SPAG16: variants seen among roughly 807,000 people sequenced by gnomAD.
SPAG16 encodes sperm-associated antigen 16 protein.
In SPAG16, 86 loss-of-function variants were observed where a neutral mutation model predicts 80.4. The ratio of observed to expected loss-of-function variants is 1.07; its 90% confidence interval spans 0.90 to 1.28. The LOEUF (loss-of-function observed/expected upper bound fraction) is 1.28, where lower values mean the gene tolerates loss of function less well. SPAG16 is among the 50% of genes most tolerant of loss of function. SPAG16 has a pLI of 0.00. For missense variants in SPAG16, 870 were observed against 765.3 expected (o/e 1.14, Z -1.61); for synonymous variants, 294 against 265.9 (o/e 1.11, Z -1.03).
intron 10 of SPAG16, among the ~76,000 whole-genome samples, chr2:213,838,227 A>G (rs1575308348): frequency 6.6e-6 from 1 of 152,144 alleles, no homozygotes; most frequent in Middle Eastern, 3.4e-3. Flanking sequence ...GCTGCAGTGC[A>G]GTGGTGTAAT....
At chr2:213,950,716 T>C (rs2079720725) in intron 12 of SPAG16, among the ~76,000 whole-genome samples, 1 of 145,348 alleles carries the variant, frequency 6.9e-6, no homozygotes, top group African/African-American at 2.5e-5. Flanking sequence ...TTTTTTTTTT[T>C]TTTTTTTCCC....
intron 13 of SPAG16, among the ~76,000 whole-genome samples, chr2:214,036,059 T>A (rs1444560260): frequency 6.6e-6 from 1 of 152,266 alleles, no homozygotes; most frequent in African/African-American, 2.4e-5. Context: ...TTAAATTCCA[T>A]CATTTATTTT....
intron 10 of SPAG16, among the ~76,000 whole-genome samples, chr2:213,835,813 T>G (rs2074040090): frequency 6.6e-6 from 1 of 152,166 alleles, no homozygotes; most frequent in South Asian, 2.1e-4. Flanking sequence ...TTTCATATTT[T>G]CCAATTTGTA....
chr2:213,376,607 T>C (rs2066894567), intron 9 of SPAG16, among the ~76,000 whole-genome samples: 1 of 152,106 alleles, frequency 6.6e-6, no homozygotes. Flanking sequence ...TCTATTTTTT[T>C]AATAATTCAC....
At chr2:213,348,708 C>G (rs996979450) in intron 6 of SPAG16, among the ~76,000 whole-genome samples, 6 of 152,220 alleles carry the variant, frequency 3.9e-5, no homozygotes, top group Admixed American at 2.6e-4. Context: ...TATTGGCCCC[C>G]ACTCTCTTCT....
At chr2:213,518,302 T>C (rs1356829152) in intron 10 of SPAG16, among the ~76,000 whole-genome samples, 2 of 152,220 alleles carry the variant, frequency 1.3e-5, no homozygotes, top group African/African-American at 2.4e-5. Context: ...GTTCTCACTC[T>C]GTTACCCATG....
chr2:213,834,601 T>C (rs1485542709), intron 10 of SPAG16, among the ~76,000 whole-genome samples: 1 of 152,080 alleles, frequency 6.6e-6, no homozygotes, highest in Admixed American at 6.6e-5. Context: ...TATGGCTTGC[T>C]TTGTGGGAGG....
At chr2:213,960,554 T>C (rs2044361507) in intron 12 of SPAG16, among the ~76,000 whole-genome samples, 1 of 152,150 alleles carries the variant, frequency 6.6e-6, no homozygotes. Flanking sequence ...TAAAAATTAT[T>C]TTGGTTTATT....
intron 10 of SPAG16, among the ~76,000 whole-genome samples, chr2:213,617,115 G>A (rs1004449503): frequency 6.6e-6 from 1 of 152,144 alleles, no homozygotes; most frequent in Admixed American, 6.5e-5. Context: ...AGGGAAAGAA[G>A]GGAAATTAAT....
At chr2:213,652,574 AT>A (rs2063062164) in intron 10 of SPAG16, among the ~76,000 whole-genome samples, 1 of 152,024 alleles carries the variant, frequency 6.6e-6, no homozygotes. Context: ...TCTATATTGT[AT>A]TATTTTATCT....
chr2:213,777,654 G>A (rs903813287), intron 10 of SPAG16, among the ~76,000 whole-genome samples: 8 of 152,112 alleles, frequency 5.3e-5, no homozygotes, highest in African/African-American at 9.6e-5. Context: ...TGATCCGCCC[G>A]CCTCGGCCTC....
At chr2:213,657,418 G>A (rs2063260294) in intron 10 of SPAG16, among the ~76,000 whole-genome samples, 1 of 152,136 alleles carries the variant, frequency 6.6e-6, no homozygotes, top group Admixed American at 6.5e-5. Context: ...TTATTTTACA[G>A]TGATATTGAA....
intron 15 of SPAG16, among the ~76,000 whole-genome samples, chr2:214,274,506 G>A (rs1359884955): frequency 6.6e-6 from 1 of 152,062 alleles, no homozygotes; most frequent in African/African-American, 2.4e-5. Flanking sequence ...TAGCATGAAG[G>A]GCTGTTGAAT....
intron 12 of SPAG16, among the ~76,000 whole-genome samples, chr2:213,982,837 C>A (rs980687424): frequency 6.6e-6 from 1 of 151,758 alleles, no homozygotes; most frequent in South Asian, 2.1e-4. Flanking sequence ...TCAATGGAGA[C>A]CAACATAAAT....
chr2:213,737,015 T>C (rs2067312889), intron 10 of SPAG16, among the ~76,000 whole-genome samples: 1 of 152,218 alleles, frequency 6.6e-6, no homozygotes, highest in Non-Finnish European at 1.5e-5. Flanking sequence ...CCAATGCTGT[T>C]GATCTTTTCA....
At chr2:214,126,551 T>C (rs971217845) in intron 14 of SPAG16, among the ~76,000 whole-genome samples, 1 of 151,748 alleles carries the variant, frequency 6.6e-6, no homozygotes, top group Non-Finnish European at 1.5e-5. Context: ...TAATGGAACT[T>C]CTCTGAATTT....
intron 14 of SPAG16, among the ~76,000 whole-genome samples, chr2:214,147,087 T>C (rs2055682140): frequency 6.6e-6 from 1 of 152,106 alleles, no homozygotes; most frequent in Admixed American, 6.6e-5. Context: ...ATGGAAAAAG[T>C]CTAGCTAAAG....
At chr2:213,478,732 G>A (rs1183523612) in intron 9 of SPAG16, among the ~76,000 whole-genome samples, 1 of 152,132 alleles carries the variant, frequency 6.6e-6, no homozygotes, top group Admixed American at 6.6e-5. Flanking sequence ...CTATGTGACT[G>A]TTCTGGAAGA....
At position 213,913,555 on chromosome 2, in the gene SPAG16, ATCTC is replaced by A. The variant is rs1167000349; in HGVS notation, c.1215-16401_1215-16398del. On this transcript the variant is annotated intron_variant, in intron 11 of 15. Transcript: ENST00000331683. ...GTATATATACATATGTATTGTGTGT[ATCTC>A]TCTGTGTGTGTATATATATGTACAT... Among the ~76,000 whole-genome samples the A allele has an allele frequency of 4.1e-5, 6 of 146,864 alleles. No homozygotes were observed. In the East Asian group the frequency reaches 1.0e-3, roughly 24 times the overall value.
Sources: allele counts gnomAD v4.1 joint callset (sites outside exome capture counted in the v4.1 genomes callset), GRCh38; gene constraint gnomAD v4.1.1; transcripts MANE v1.5; gene names NCBI Gene and HGNC (gene_info 2026-07-23, HGNC 2026-07-21).